PGGT1B: variants seen among roughly 807,000 people sequenced by gnomAD.
The protein encoded by PGGT1B is geranylgeranyl transferase type-1 subunit beta.
Under a neutral mutation model 46.1 loss-of-function variants are expected in PGGT1B, and 30 were observed. The observed-to-expected ratio is 0.65, with a 90% confidence interval of 0.49 to 0.88. The LOEUF is 0.88. Ranked by LOEUF, PGGT1B falls within the 40% of genes least tolerant of loss-of-function variation. The pLI, the probability that PGGT1B is intolerant of heterozygous loss-of-function variation, is 0.00. For synonymous variants in PGGT1B, 170 were observed against 160.0 expected (o/e 1.06, Z -0.47); for missense variants, 376 against 455.9 (o/e 0.82, Z 1.60).
In PGGT1B at chr5:115,206,520, T is replaced by C. The variant is rs1756067889; in HGVS notation, c.*5882A>G. On this transcript the variant is annotated 3_prime_UTR_variant, in exon 9 of 9. Coordinates refer to ENST00000419445, the MANE Select transcript of PGGT1B (RefSeq NM_005023.4). ...GTATTCTAAATGCCACTGAGTCTAT[T>C]TCTGGAATTCCTCTTCTGTTCCATT... 1 of 152,078 alleles carries C rather than the reference T, an allele frequency of 6.6e-6. No individual in the cohort carries two copies. The allele number at this position is 152,078 out of a possible 1,614,324, so 9.4% of individuals were successfully genotyped here.
chr5:115,228,433 G>A (rs780976514), intron 6 of PGGT1B, among the ~76,000 whole-genome samples: 13 of 152,144 alleles, frequency 8.5e-5, no homozygotes, highest in Non-Finnish European at 1.6e-4. Context: ...AAGTGATGTG[G>A]AGAAAGATAA....
intron 2 of PGGT1B, among the ~76,000 whole-genome samples, chr5:115,252,165 C>A (rs997992215): frequency 1.3e-5 from 2 of 152,048 alleles, no homozygotes; most frequent in African/African-American, 4.8e-5. Flanking sequence ...TTCATTGGGG[C>A]TAGCAGAAAA....
intron 7 of PGGT1B, among the ~76,000 whole-genome samples, chr5:115,221,400 C>T (rs1756583104): frequency 6.6e-6 from 1 of 151,936 alleles, no homozygotes; most frequent in Non-Finnish European, 1.5e-5. Flanking sequence ...AAAGTCCTTA[C>T]ATGGTTTTTG....
chr5:115,207,582 G>T lies in PGGT1B; in HGVS notation c.*4820C>A, dbSNP rs1756102635. 1 of 151,906 alleles carries T rather than the reference G, an allele frequency of 6.6e-6. No homozygotes were observed. The highest frequency in any genetic ancestry group is 2.4e-5 in the African/African-American group (1 of 41,392). 9.4% of individuals were successfully genotyped at this position (151,906 alleles called of 1,614,324 possible). A position where few individuals can be genotyped will look rare whatever the true frequency, so the allele number is the denominator to read the frequency against. On this transcript the variant is annotated 3_prime_UTR_variant, in exon 9 of 9. Transcript: ENST00000419445. ...TGTCTGTTTTGAACTTCACCGAAATGGAATCAAAGTATGCACTTGTGTCTG... is the reference window on the plus strand; with the variant it reads ...TGTCTGTTTTGAACTTCACCGAAATTGAATCAAAGTATGCACTTGTGTCTG...
At chr5:115,235,353 C>T (rs1248774661) in intron 5 of PGGT1B, among the ~76,000 whole-genome samples, 2 of 151,868 alleles carry the variant, frequency 1.3e-5, no homozygotes, top group African/African-American at 2.4e-5. Context: ...AGGAAGGATG[C>T]TAGAGCTGGA....
At position 115,212,386 on chromosome 5, in the gene PGGT1B, C is replaced by T. The variant is rs1484196024; in HGVS notation, c.*16G>A. On this transcript the variant is annotated 3_prime_UTR_variant, in exon 9 of 9. Transcript: ENST00000419445. ...GTTATGCTACAAATCCCCCCACCCT[C>T]CCAATCTAAAATCAGTCATGTGGAG... is the stretch of plus-strand genomic sequence containing the variant. 1.9e-6 allele frequency: 3 copies of T among 1,598,690 alleles called. No homozygotes were observed. The African/African-American group carries it at 4.0e-5, about 21-fold the overall frequency.
Position 115,220,790 on chromosome 5 carries a change from T to A in PGGT1B, c.843+1034A>T, listed in dbSNP as rs191693579. Among the ~76,000 whole-genome samples, 676 of 151,982 alleles carry A rather than the reference T, an allele frequency of 4.4e-3. 4 individuals are homozygous for A. The highest frequency in any genetic ancestry group is 6.9e-3 in the Admixed American group (105 of 15,248). ...AATGACACTAAGGTTCTGTTTTTTT[T>A]AAAAAGTTATTTTCATTTAGAGATT... On this transcript the variant is annotated intron_variant, in intron 7 of 8. Coordinates refer to ENST00000419445, the MANE Select transcript of PGGT1B (RefSeq NM_005023.4).
intron 1 of PGGT1B, among the ~76,000 whole-genome samples, chr5:115,260,576 C>G (rs1748512968): frequency 6.6e-6 from 1 of 151,898 alleles, no homozygotes; most frequent in Non-Finnish European, 1.5e-5. Flanking sequence ...GAACTTAGTG[C>G]TAAAGAAAAT....
intron 2 of PGGT1B, among the ~76,000 whole-genome samples, chr5:115,243,275 G>A (rs1757405057): frequency 6.6e-6 from 1 of 152,172 alleles, no homozygotes; most frequent in African/African-American, 2.4e-5. Flanking sequence ...GCACACTGCA[G>A]TTTAATAATA....
chr5:115,248,616 T>A (rs2127024202), intron 2 of PGGT1B, among the ~76,000 whole-genome samples: 1 of 152,322 alleles, frequency 6.6e-6, no homozygotes, highest in South Asian at 2.1e-4. Flanking sequence ...GTCTTTATAA[T>A]CCTGGAGTTA....
At position 115,208,109 on chromosome 5, in the gene PGGT1B, G is replaced by A. The variant is rs1580736096; in HGVS notation, c.*4293C>T. On this transcript the variant is annotated 3_prime_UTR_variant, in exon 9 of 9. Transcript: ENST00000419445. ...TACCTTTTGAAAGTGCTGTTGGATT[G>A]TTTGCTAATGTTATCATTAAAACTT... 2 of 151,918 alleles carry A rather than the reference G, an allele frequency of 1.3e-5. No individual in the cohort carries two copies. The highest frequency in any genetic ancestry group is 1.9e-4 in the East Asian group (1 of 5,184). 9.4% of individuals were successfully genotyped at this position (151,918 alleles called of 1,614,324 possible).
At chr5:115,223,611 C>T (rs1446092967) in intron 6 of PGGT1B, among the ~76,000 whole-genome samples, 1 of 152,092 alleles carries the variant, frequency 6.6e-6, no homozygotes, top group African/African-American at 2.4e-5. Flanking sequence ...CCCTGTAAGT[C>T]TCAGTTCAGA....
chr5:115,217,388 A>C (rs541171031), intron 7 of PGGT1B, among the ~76,000 whole-genome samples: 4 of 152,258 alleles, frequency 2.6e-5, no homozygotes, highest in African/African-American at 7.2e-5. Context: ...AAAAAAGAGC[A>C]AACAAAAATT....
At chr5:115,256,123 C>A (rs1171255445) in intron 1 of PGGT1B, among the ~76,000 whole-genome samples, 1 of 152,180 alleles carries the variant, frequency 6.6e-6, no homozygotes, top group East Asian at 1.9e-4. Context: ...ACTGGGAACA[C>A]TGACCCTAAC....
At chr5:115,223,164 C>T (rs1249535715) in intron 6 of PGGT1B, among the ~76,000 whole-genome samples, 4 of 151,482 alleles carry the variant, frequency 2.6e-5, no homozygotes, top group Non-Finnish European at 4.4e-5. Context: ...GGGATGGGGG[C>T]GGTAGGAAAG....
intron 1 of PGGT1B, chr5:115,262,377 A>G: frequency 3.3e-6 from 1 of 300,868 alleles, no homozygotes; most frequent in South Asian, 4.3e-5. Flanking sequence ...AAATACGACG[A>G]CAAACTTTGT....
At chr5:115,240,313 C>T (rs138774496) in intron 3 of PGGT1B, among the ~76,000 whole-genome samples, 1 of 152,054 alleles carries the variant, frequency 6.6e-6, no homozygotes, top group African/African-American at 2.4e-5. Context: ...GGGGAAGGAT[C>T]ATATTTTAAA....
At position 115,253,152 on chromosome 5, in the gene PGGT1B, G is replaced by A; in HGVS notation, c.244C>T (p.Leu82Phe). ...IIEWIYSLQV[L>F]PTEDRSNLNR... Reference sequence around the variant, plus strand: ...ACTCACTCACTGTCTTCTGTGGGAAGGACCTGCAGGGAATAAATCCACTCT... The same window carrying A: ...ACTCACTCACTGTCTTCTGTGGGAAAGACCTGCAGGGAATAAATCCACTCT... Residue 82 changes from leucine to phenylalanine, a missense_variant, in exon 2 of 9, where the codon CTT becomes TTT. Around this residue, in one of 2 missense-constraint regions of PGGT1B, gnomAD observed 154 missense variants for 142.3 expected, o/e 1.08. Transcript: ENST00000419445. 6.2e-7 allele frequency: 1 copy of A among 1,601,140 alleles called. No individual in the cohort carries two copies. The highest frequency in any genetic ancestry group is 8.5e-7 in the Non-Finnish European group (1 of 1,175,516).
intron 7 of PGGT1B, 101 bp from the exon 8 acceptor site, chr5:115,217,074 T>TA: frequency 1.5e-6 from 1 of 655,410 alleles, no homozygotes; most frequent in East Asian, 2.7e-5. Context: ...TTTCTTTAGC[T>TA]AAGGTGCTCA....
Sources: gnomAD v4.1 joint callset for allele counts (sites outside exome capture counted in the v4.1 genomes callset) on GRCh38, gnomAD v4.1.1 for gene constraint, gnomAD v4.1.1 regional missense constraint, MANE v1.5 for transcripts, NCBI Gene and HGNC (gene_info 2026-07-23, HGNC 2026-07-21) for gene names.